The following HBS1L variants were observed in gnomAD, a reference collection of about 807,000 sequenced individuals.
The protein encoded by HBS1L is HBS1 like translational GTPase, also known as HBS1-like protein.
HBS1L carries 55 observed loss-of-function variants against 88.9 expected under a neutral mutation model. The ratio of observed to expected loss-of-function variants is 0.62; its 90% CI spans 0.50 to 0.77. The LOEUF (loss-of-function observed/expected upper bound fraction) is 0.77. Among genes scored for constraint, HBS1L ranks in the 30% least tolerant of loss-of-function variants. The pLI is 0.00. For missense variants in HBS1L, 741 were observed against 829.3 expected (o/e 0.89, Z 1.31); for synonymous variants, 267 against 288.5 (o/e 0.93, Z 0.76).
chr6:135,045,938 G>A (rs904311140), intron 2 of HBS1L, among the ~76,000 whole-genome samples: 3 of 152,092 alleles, frequency 2.0e-5, no homozygotes, highest in Non-Finnish European at 2.9e-5. Context: ...CCACCTATAC[G>A]CCACTTTGTG....
At chr6:135,042,826 C>T (rs73550845) in intron 2 of HBS1L, among the ~76,000 whole-genome samples, 3 of 40,034 alleles carry the variant, frequency 7.5e-5, no homozygotes, top group Non-Finnish European at 1.8e-4. Context: ...AAAAAAAAAA[C>T]AAAAAAAAAA....
intron 1 of HBS1L, 50 bp from the exon 2 acceptor site, chr6:135,050,697 T>G: frequency 8.5e-7 from 1 of 1,176,334 alleles, no homozygotes; most frequent in Non-Finnish European, 1.2e-6. Flanking sequence ...CTTTTTATAT[T>G]CTTAGTTACT....
intron 1 of HBS1L, among the ~76,000 whole-genome samples, chr6:135,053,639 T>C (rs987070274): frequency 2.6e-5 from 4 of 152,210 alleles, no homozygotes; most frequent in Non-Finnish European, 4.4e-5. Context: ...AACAGGGTGT[T>C]AGCTGCCCTC....
At chr6:135,050,507 T>C in intron 2 of HBS1L, 75 bp downstream of exon 2, 1 of 896,318 alleles carries the variant, frequency 1.1e-6, no homozygotes, top group Non-Finnish European at 1.8e-6. Context: ...CACAGAACAC[T>C]CCAGTCCTTG....
At chr6:135,026,466 T>C (rs1268217882) in intron 4 of HBS1L, among the ~76,000 whole-genome samples, 2 of 152,076 alleles carry the variant, frequency 1.3e-5, no homozygotes, top group East Asian at 3.8e-4. Flanking sequence ...TATCAAAATA[T>C]GTAAATATAA....
rs573004284 is a variant in HBS1L, at chr6:135,023,430, C to A, written c.430+16143G>T. On this transcript the variant is annotated intron_variant, in intron 4 of 17. Transcript: ENST00000367837. ...CTGCACTCTAGCCTGGGCAACAGAG[C>A]GAGACTCCATCTCAAAAACAACAAC... 4.7e-5 allele frequency among the ~76,000 whole-genome samples: 7 copies of A among 148,080 alleles called. No individual in the cohort carries two copies. The East Asian group carries it at 1.4e-3, about 30-fold the overall frequency.
chr6:135,036,440 G>A (rs1776551079), intron 4 of HBS1L: 3 of 1,361,614 alleles, frequency 2.2e-6, no homozygotes, highest in Admixed American at 3.5e-5. Context: ...CTAATCAACT[G>A]ACCTACGACA....
Position 135,054,778 on chromosome 6 carries a change from G to T in HBS1L, c.-87C>A. 6.6e-7 allele frequency: 1 copy of T among 1,515,874 alleles called. No individual in the cohort carries two copies. Among genetic ancestry groups the T allele is most frequent in the Non-Finnish European group, 9.1e-7 (1 of 1,102,730 alleles). 93.9% of individuals were successfully genotyped at this position (1,515,874 alleles called of 1,614,324 possible). A position where few individuals can be genotyped will look rare whatever the true frequency, so the allele number is the denominator to read the frequency against. ...CTGATAAGGCGCCAACTGCAGCCTGGAGAACCCCTATGCGCCATCTTGGCT... is the reference window on the plus strand; with the variant it reads ...CTGATAAGGCGCCAACTGCAGCCTGTAGAACCCCTATGCGCCATCTTGGCT... On this transcript the variant is annotated 5_prime_UTR_variant, in exon 1 of 18. Coordinates refer to ENST00000367837, the MANE Select transcript of HBS1L (RefSeq NM_006620.4).
At chr6:135,025,512 T>C (rs1776201667) in intron 4 of HBS1L, among the ~76,000 whole-genome samples, 1 of 152,032 alleles carries the variant, frequency 6.6e-6, no homozygotes, top group Non-Finnish European at 1.5e-5. Flanking sequence ...AGAGACAAAA[T>C]TGACAATGCT....
At chr6:135,027,986 T>C (rs1009106812) in intron 4 of HBS1L, among the ~76,000 whole-genome samples, 1 of 152,002 alleles carries the variant, frequency 6.6e-6, no homozygotes, top group Non-Finnish European at 1.5e-5. Flanking sequence ...AGGCTGGTCT[T>C]GAACTCCTGA....
rs372783947 is a variant in HBS1L, at chr6:134,970,514, GTTATT to G, written c.1798-1181_1798-1177del. Among the ~76,000 whole-genome samples, 436 of 152,268 alleles carry G rather than the reference GTTATT, an allele frequency of 2.9e-3. 1 individual carries two copies. The highest frequency in any genetic ancestry group is 9.5e-3 in the African/African-American group (394 of 41,548). ...ATCACTGAAATGAGGAAAATCAGATGTTATTTTAAAGTGGTGCCTGGCACATGGCA... is the reference window on the plus strand; with the variant it reads ...ATCACTGAAATGAGGAAAATCAGATGTTAAAGTGGTGCCTGGCACATGGCA... On this transcript the variant is annotated intron_variant, in intron 15 of 17. Transcript: ENST00000367837.
intron 8 of HBS1L, among the ~76,000 whole-genome samples, chr6:134,990,316 A>T (rs193253203): frequency 1.2e-4 from 19 of 152,246 alleles, no homozygotes; most frequent in Admixed American, 1.2e-3. Flanking sequence ...TCTCTCCACA[A>T]TGTATATCTT....
intron 1 of HBS1L, 131 bp from the exon 2 acceptor site, chr6:135,050,778 T>C: frequency 1.6e-6 from 1 of 614,654 alleles, no homozygotes; most frequent in Non-Finnish European, 2.9e-6. Flanking sequence ...GAATGTCTAT[T>C]TTCAAAAAAA....
At chr6:134,996,610 T>C (rs538507547) in intron 7 of HBS1L, among the ~76,000 whole-genome samples, 167 bp downstream of exon 7, 2 of 152,342 alleles carry the variant, frequency 1.3e-5, no homozygotes, top group African/African-American at 2.4e-5. Context: ...AAAAACAGTA[T>C]GCAGATTACA....
At chr6:135,037,827 T>C (rs1291013120) in intron 4 of HBS1L, 1 of 1,546,894 alleles carries the variant, frequency 6.5e-7, no homozygotes, top group South Asian at 1.2e-5. Flanking sequence ...CTAGTTTCTT[T>C]TCACTTTTAC....
At chr6:135,044,277 A>G (rs1776841882) in intron 2 of HBS1L, among the ~76,000 whole-genome samples, 2 of 152,148 alleles carry the variant, frequency 1.3e-5, no homozygotes, top group South Asian at 4.1e-4. Context: ...TTTCCACTCT[A>G]TAGGTGGAGT....
At chr6:135,031,850 T>TG (rs1776393512) in intron 4 of HBS1L, among the ~76,000 whole-genome samples, 1 of 151,086 alleles carries the variant, frequency 6.6e-6, no homozygotes, top group African/African-American at 2.4e-5. Context: ...TTTTTTTTTT[T>TG]GAGATGGGGT....
At chr6:135,043,605 A>C (rs1377483682) in intron 2 of HBS1L, among the ~76,000 whole-genome samples, 1 of 152,232 alleles carries the variant, frequency 6.6e-6, no homozygotes, top group African/African-American at 2.4e-5. Flanking sequence ...GAAAAACGTA[A>C]TGACTTATTC....
At chr6:135,053,476 A>C (rs1305341597) in intron 1 of HBS1L, among the ~76,000 whole-genome samples, 1 of 152,184 alleles carries the variant, frequency 6.6e-6, no homozygotes, top group African/African-American at 2.4e-5. Flanking sequence ...ATTTGCAAAA[A>C]TCTCTCTCAA....
Sources: gnomAD v4.1 joint callset for allele counts (sites outside exome capture counted in the v4.1 genomes callset) on GRCh38, gnomAD v4.1.1 for gene constraint, MANE v1.5 for transcripts, NCBI Gene and HGNC (gene_info 2026-07-23, HGNC 2026-07-21) for gene names.